Variants in ANAPC5 observed in about 807,000 individuals in gnomAD.
The protein encoded by ANAPC5 is anaphase promoting complex subunit 5.
ANAPC5 carries 60 observed loss-of-function variants against 91.3 expected under a neutral mutation model. The observed-to-expected ratio is 0.66, with a 90% confidence interval of 0.53 to 0.81. ANAPC5 has a LOEUF of 0.81. Among genes scored for constraint, ANAPC5 ranks in the 40% least tolerant of loss-of-function variants. The probability of loss-of-function intolerance (pLI) is 0.00; values close to 1 mark genes in which losing one functional copy is unlikely to be tolerated. For synonymous variants in ANAPC5, 340 were observed against 364.1 expected (o/e 0.93, Z 0.75); for missense variants, 690 against 931.5 (o/e 0.74, Z 3.37).
At chr12:121,317,234 G>A (rs1415637672) in intron 15 of ANAPC5, among the ~76,000 whole-genome samples, 1 of 151,574 alleles carries the variant, frequency 6.6e-6, no homozygotes, top group Non-Finnish European at 1.5e-5. Context: ...GGTTAAAGTG[G>A]TAAATCTTGT....
In ANAPC5 at chr12:121,320,406, C is replaced by G; in HGVS notation, c.1494G>C (p.Pro498=). The G allele has an allele frequency of 6.2e-7, 1 of 1,613,584 alleles. No individual in the cohort carries two copies. Among genetic ancestry groups the G allele is most frequent in the Non-Finnish European group, 8.5e-7 (1 of 1,179,656 alleles). Residue 498 remains proline, a synonymous_variant, in exon 12 of 17, where the codon CCG becomes CCC. Coordinates refer to ENST00000261819, the MANE Select transcript of ANAPC5 (RefSeq NM_016237.5). ...EVLKHLKERF[P]PNSQHAQLWM... is the part of the protein sequence containing the mutation. The stretch of plus-strand genomic sequence containing the variant: ...TTACCTGGGCGTGCTGACTATTAGG[C>G]GGAAATCGTTCCTTCAAGTGCTTTA...
chr12:121,352,578 A>G (rs1395726813), upstream of ANAPC5: 5 of 467,110 alleles, frequency 1.1e-5, no homozygotes, highest in African/African-American at 7.9e-5. Context: ...CTGACTCCCT[A>G]CAGAAACTTT....
chr12:121,351,366 C>T (rs1313484996), intron 1 of ANAPC5, among the ~76,000 whole-genome samples: 1 of 151,944 alleles, frequency 6.6e-6, no homozygotes, highest in Non-Finnish European at 1.5e-5. Flanking sequence ...AAGCGAGACC[C>T]TGTCTCAAAA....
intron 4 of ANAPC5, among the ~76,000 whole-genome samples, chr12:121,344,752 G>A (rs1016005556): frequency 6.6e-6 from 1 of 152,106 alleles, no homozygotes; most frequent in Non-Finnish European, 1.5e-5. Flanking sequence ...AAACTGATTG[G>A]AGTAGTCAAG....
chr12:121,334,782 T>C (rs1903166644), intron 7 of ANAPC5: 1 of 152,244 alleles, frequency 6.6e-6, no homozygotes, highest in Admixed American at 6.5e-5. Flanking sequence ...TCTGGCTTTT[T>C]GAAATACTAA....
intron 4 of ANAPC5, among the ~76,000 whole-genome samples, chr12:121,343,695 C>A (rs1247351359): frequency 6.6e-6 from 1 of 152,162 alleles, no homozygotes; most frequent in African/African-American, 2.4e-5. Flanking sequence ...ATAGAAAGTG[C>A]GATAAGCATT....
chr12:121,348,718 CAAG>C (rs560275915), intron 1 of ANAPC5, among the ~76,000 whole-genome samples: 2 of 152,072 alleles, frequency 1.3e-5, no homozygotes, highest in Non-Finnish European at 2.9e-5. Flanking sequence ...CCTCAGCTAC[CAAG>C]AAGATTACAG....
chr12:121,310,399 A>G (rs1902115523), intron 15 of ANAPC5: 1 of 152,440 alleles, frequency 6.6e-6, no homozygotes, highest in Admixed American at 6.5e-5. Context: ...GTCTCAAAAA[A>G]CAAATTTAAA....
chr12:121,317,541 C>T (rs1411923822), intron 15 of ANAPC5, among the ~76,000 whole-genome samples: 1 of 151,850 alleles, frequency 6.6e-6, no homozygotes, highest in Admixed American at 6.6e-5. Context: ...CATGAGCCAC[C>T]ACACCTGGCC....
intron 1 of ANAPC5, 82 bp from the exon 2 acceptor site, chr12:121,347,963 A>G: frequency 1.0e-6 from 1 of 968,416 alleles, no homozygotes; most frequent in Non-Finnish European, 1.6e-6. Context: ...TTCATTTATC[A>G]ACCCCTCTGC....
intron 15 of ANAPC5, among the ~76,000 whole-genome samples, chr12:121,313,143 T>C (rs958984823): frequency 2.6e-5 from 4 of 151,960 alleles, no homozygotes; most frequent in African/African-American, 9.7e-5. Context: ...CTGGCCAACA[T>C]GGCGAAACCC....
chr12:121,330,518 G>T, intron 9 of ANAPC5, 65 bp downstream of exon 9: 1 of 1,327,508 alleles, frequency 7.5e-7, no homozygotes, highest in Non-Finnish European at 1.1e-6. Context: ...TGACAGAGGT[G>T]GGCAGAAAAA....
In ANAPC5 at chr12:121,327,135, A is replaced by G; in HGVS notation, c.1401T>C (p.Ala467=). The change falls in exon 11 of 17, where the codon GCT becomes GCC. Residue 467 remains alanine (A), a synonymous_variant. Transcript: ENST00000261819. ...GVQQNNTESF[A]VALCHLAELH... is the part of the protein sequence containing the mutation. ...GCTCTGCGAGGTGGCAGAGTGCGACAGCAAAGGACTCTGTGTTGTTCTGCT... is the reference window on the plus strand; with the variant it reads ...GCTCTGCGAGGTGGCAGAGTGCGACGGCAAAGGACTCTGTGTTGTTCTGCT... 6.2e-7 allele frequency: 1 copy of G among 1,612,124 alleles called. No individual in the cohort carries two copies. The highest frequency in any genetic ancestry group is 8.5e-7 in the Non-Finnish European group (1 of 1,179,524).
chr12:121,349,397 C>A (rs1378936375), intron 1 of ANAPC5, among the ~76,000 whole-genome samples: 1 of 151,570 alleles, frequency 6.6e-6, no homozygotes, highest in South Asian at 2.1e-4. Flanking sequence ...TACATCTCTA[C>A]CAAAATTTAA....
intron 9 of ANAPC5, among the ~76,000 whole-genome samples, chr12:121,329,650 T>C (rs1418279104): frequency 1.3e-5 from 2 of 149,338 alleles, no homozygotes; most frequent in African/African-American, 4.9e-5. Context: ...AATTTCATTC[T>C]TGTTGCCCAG....
intron 1 of ANAPC5, among the ~76,000 whole-genome samples, chr12:121,348,213 C>T (rs1903745209): frequency 6.6e-6 from 1 of 152,164 alleles, no homozygotes; most frequent in Non-Finnish European, 1.5e-5. Context: ...ATAATAATAT[C>T]TCCCTTGTTT....
intron 2 of ANAPC5, chr12:121,347,575 G>A (rs1903719456): frequency 4.0e-6 from 2 of 502,038 alleles, no homozygotes; most frequent in Non-Finnish European, 7.0e-6. Flanking sequence ...AGGCTGCGTT[G>A]AGCCCTGATT....
chr12:121,350,916 C>T, intron 1 of ANAPC5: 1 of 323,824 alleles, frequency 3.1e-6, no homozygotes, highest in South Asian at 2.2e-5. Context: ...AAGGTATATG[C>T]CATATGTGAA....
At chr12:121,340,619 C>T (rs1903414681) in intron 5 of ANAPC5, among the ~76,000 whole-genome samples, 1 of 151,694 alleles carries the variant, frequency 6.6e-6, no homozygotes, top group East Asian at 2.0e-4. Flanking sequence ...TCACTGCAAC[C>T]TCCGCTCACC....
Sources: gnomAD v4.1 joint callset for allele counts (sites outside exome capture counted in the v4.1 genomes callset) on GRCh38, gnomAD v4.1.1 for gene constraint, MANE v1.5 for transcripts, NCBI Gene and HGNC (gene_info 2026-07-23, HGNC 2026-07-21) for gene names.